OR5J2: variants seen among roughly 807,000 people sequenced by gnomAD.
OR5J2 encodes olfactory receptor 5J2.
OR5J2 carries 4 observed loss-of-function variants against 6.7 expected under a neutral mutation model. The ratio of observed to expected loss-of-function variants is 0.60; its 90% confidence interval spans 0.29 to 1.37. The LOEUF is 1.37. Among genes scored for constraint, OR5J2 ranks in the 40% most tolerant of loss-of-function variants. The pLI is 0.09. For missense variants in OR5J2, 415 were observed against 366.4 expected, an observed-to-expected ratio of 1.13 and a Z score of -1.08; for synonymous variants, 174 against 140.4, an observed-to-expected ratio of 1.24 and a Z score of -1.69.
At position 56,177,516 on chromosome 11, in the gene OR5J2, C is replaced by A. The variant is rs1468141582; in HGVS notation, c.899C>A (p.Ala300Glu). Reference sequence around the variant, plus strand: ...TTGAGAAACAAGGACGTAAAGGAGGCAGTGAAAAGGGCCATAGAAATGAAA... The same window carrying A: ...TTGAGAAACAAGGACGTAAAGGAGGAAGTGAAAAGGGCCATAGAAATGAAA... ...HSLRNKDVKE[A>E]VKRAIEMKHF... is the part of the protein sequence containing the mutation. The change falls in exon 1 of 1, where the codon GCA becomes GAA. Residue 300 changes from alanine (A) to glutamate (E), a missense_variant. Coordinates refer to ENST00000312298, the MANE Select transcript of OR5J2 (RefSeq NM_001005492.1). 1.9e-6 allele frequency: 3 copies of A among 1,606,572 alleles called. No homozygotes were observed. The highest frequency in any genetic ancestry group is 1.3e-5 in the African/African-American group (1 of 74,876).
Position 56,176,669 on chromosome 11 carries a change from A to G in OR5J2, c.52A>G (p.Thr18Ala), listed in dbSNP as rs200096578. The change falls in exon 1 of 1, where the codon ACA becomes GCA. Residue 18 changes from threonine to alanine, a missense_variant. Physicochemically the swap from Thr to Ala is moderately conservative, Grantham distance 58. Transcript: ENST00000312298. ...VVTEFILLGL[T>A]DHAELKAVLF... is the part of the protein sequence containing the mutation. ...CACTGAGTTTATTCTTTTGGGATTG[A>G]CAGATCATGCTGAACTAAAAGCTGT... is the stretch of plus-strand genomic sequence containing the variant. 47 of 1,613,766 alleles carry G rather than the reference A, an allele frequency of 2.9e-5. No individual in the cohort carries two copies. The East Asian group carries it at 1.0e-3, about 35-fold the overall frequency.
In OR5J2 at chr11:56,177,247, C is replaced by T. The variant is rs984356551; in HGVS notation, c.630C>T (p.Thr210=). The change falls in exon 1 of 1, where the codon ACC becomes ACT. Residue 210 remains threonine, a synonymous_variant. Coordinates refer to ENST00000312298, the MANE Select transcript of OR5J2 (RefSeq NM_001005492.1). ...TCTCCGGAGTCATTGCCATGGCCAC[C>T]TTCTTGACTGTGATCATTTCCTACA... ...LTFSGVIAMA[T]FLTVIISYIF... is the part of the protein sequence containing the mutation. The T allele has an allele frequency of 1.9e-6, 3 of 1,614,052 alleles. No individual in the cohort carries two copies. Among genetic ancestry groups the T allele is most frequent in the East Asian group, 2.2e-5 (1 of 44,880 alleles).
chr11:56,176,972 G>A lies in OR5J2; in HGVS notation c.355G>A (p.Ala119Thr). The change falls in exon 1 of 1, where the codon GCC (alanine) becomes ACC (threonine). Residue 119 changes from alanine to threonine, a missense_variant. Transcript: ENST00000312298. ...TTEGFLLSVM[A>T]YDRYVAIVSP... Reference sequence around the variant, plus strand: ...AGAAGGCTTCTTACTGTCAGTGATGGCCTATGACCGCTATGTGGCCATTGT... The same window carrying A: ...AGAAGGCTTCTTACTGTCAGTGATGACCTATGACCGCTATGTGGCCATTGT... 4 of 1,613,984 alleles carry A rather than the reference G, an allele frequency of 2.5e-6. No individual in the cohort carries two copies. The highest frequency in any genetic ancestry group is 3.4e-6 in the Non-Finnish European group (4 of 1,179,874).
Position 56,177,115 on chromosome 11 carries a change from G to T in OR5J2, c.498G>T (p.Leu166=). The T allele has an allele frequency of 6.2e-7, 1 of 1,614,088 alleles. No homozygotes were observed. Among genetic ancestry groups the T allele is most frequent in the East Asian group, 2.2e-5 (1 of 44,872 alleles). Residue 166 remains leucine, a synonymous_variant, in exon 1 of 1, where the codon CTG becomes CTT. Coordinates refer to ENST00000312298, the MANE Select transcript of OR5J2 (RefSeq NM_001005492.1). ...TLIHTISLRR[L]SFCRLNAVSH... ...TCCACACAATCAGCTTGAGGAGACTGTCCTTTTGTAGGCTAAATGCTGTCA... is the reference window on the plus strand; with the variant it reads ...TCCACACAATCAGCTTGAGGAGACTTTCCTTTTGTAGGCTAAATGCTGTCA...
Position 56,177,419 on chromosome 11 carries a change from G to A in OR5J2, c.802G>A (p.Val268Met), listed in dbSNP as rs772974358. Reference protein sequence around the residue: ...SYIQPSSQYFVEQEKVVSMFY... With the variant: ...SYIQPSSQYFMEQEKVVSMFY... Reference sequence around the variant, plus strand: ...CATTCAGCCAAGCTCCCAGTATTTTGTGGAACAAGAGAAAGTGGTTTCTAT... The same window carrying A: ...CATTCAGCCAAGCTCCCAGTATTTTATGGAACAAGAGAAAGTGGTTTCTAT... The change falls in exon 1 of 1, where the codon GTG (valine) becomes ATG (methionine). Residue 268 changes from valine (V) to methionine (M), a missense_variant. Val to Met is a conservative substitution (Grantham distance 21). Coordinates refer to ENST00000312298, the MANE Select transcript of OR5J2 (RefSeq NM_001005492.1). 6 of 1,613,994 alleles carry A rather than the reference G, an allele frequency of 3.7e-6. No individual in the cohort carries two copies. The East Asian group carries it at 1.1e-4, about 30-fold the overall frequency.
chr11:56,177,551 T>C lies in OR5J2; in HGVS notation c.934T>C (p.Cys312Arg), dbSNP rs758411507. ...KRAIEMKHFLC is the reference protein window; with the variant it reads ...KRAIEMKHFLR ...GGCCATAGAAATGAAACATTTCCTC[T>C]GTTAATTTCAAGTCACTATTAATCC... The change falls in exon 1 of 1, where the codon TGT (cysteine) becomes CGT (arginine). Residue 312 changes from cysteine to arginine, a missense_variant. By Grantham distance (180) the Cys-to-Arg change is radical. Coordinates refer to ENST00000312298, the MANE Select transcript of OR5J2 (RefSeq NM_001005492.1). 2 of 1,577,526 alleles carry C rather than the reference T, an allele frequency of 1.3e-6. No homozygotes were observed. The highest frequency in any genetic ancestry group is 1.7e-6 in the Non-Finnish European group (2 of 1,163,150).
In OR5J2 at chr11:56,176,909, A is replaced by C; in HGVS notation, c.292A>C (p.Met98Leu). 2 of 1,614,132 alleles carry C rather than the reference A, an allele frequency of 1.2e-6. No individual in the cohort carries two copies. Among genetic ancestry groups the C allele is most frequent in the Non-Finnish European group, 1.7e-6 (2 of 1,180,014 alleles). The change falls in exon 1 of 1, where the codon ATG becomes CTG. Residue 98 changes from methionine (M) to leucine (L), a missense_variant. Transcript: ENST00000312298. ...VKATISFSAC[M>L]VQHLCFGVFI... ...GGCAACAATTTCTTTCTCTGCTTGC[A>C]TGGTACAGCATTTGTGTTTCGGAGT...
chr11:56,176,693 G>A lies in OR5J2; in HGVS notation c.76G>A (p.Val26Met), dbSNP rs1463945328. Residue 26 changes from valine to methionine, a missense_variant, in exon 1 of 1, where the codon GTG becomes ATG. Transcript: ENST00000312298. ...GLTDHAELKAVLFVVFLVIYA... is the reference protein window; with the variant it reads ...GLTDHAELKAMLFVVFLVIYA... ...GACAGATCATGCTGAACTAAAAGCT[G>A]TGCTTTTTGTGGTGTTCCTGGTGAT... 5 of 1,613,548 alleles carry A rather than the reference G, an allele frequency of 3.1e-6. No individual in the cohort carries two copies. Among genetic ancestry groups the A allele is most frequent in the South Asian group, 1.1e-5 (1 of 91,070 alleles).
At position 56,176,702 on chromosome 11, in the gene OR5J2, G is replaced by T. The variant is rs747915792; in HGVS notation, c.85G>T (p.Val29Leu). 6.2e-7 allele frequency: 1 copy of T among 1,613,756 alleles called. No individual in the cohort carries two copies. Among genetic ancestry groups the T allele is most frequent in the Non-Finnish European group, 8.5e-7 (1 of 1,179,802 alleles). The change falls in exon 1 of 1, where the codon GTG (valine) becomes TTG (leucine). Residue 29 changes from valine to leucine, a missense_variant. Transcript: ENST00000312298. ...DHAELKAVLF[V>L]VFLVIYAITL... is the part of the protein sequence containing the mutation. ...TGCTGAACTAAAAGCTGTGCTTTTT[G>T]TGGTGTTCCTGGTGATTTACGCCAT...
Position 56,177,245 on chromosome 11 carries a change from A to G in OR5J2, c.628A>G (p.Thr210Ala). The stretch of plus-strand genomic sequence containing the variant: ...CTTCTCCGGAGTCATTGCCATGGCC[A>G]CCTTCTTGACTGTGATCATTTCCTA... ...LTFSGVIAMA[T>A]FLTVIISYIF... Residue 210 changes from threonine to alanine, a missense_variant, in exon 1 of 1, where the codon ACC (threonine) becomes GCC (alanine). Thr to Ala is a moderately conservative substitution (Grantham distance 58). Transcript: ENST00000312298. The G allele has an allele frequency of 6.2e-7, 1 of 1,614,042 alleles. No individual in the cohort carries two copies.
Position 56,177,337 on chromosome 11 carries a change from C to T in OR5J2, c.720C>T (p.Thr240=), listed in dbSNP as rs776338136. The change falls in exon 1 of 1, where the codon ACC becomes ACT. Residue 240 remains threonine (T), a synonymous_variant. Coordinates refer to ENST00000312298, the MANE Select transcript of OR5J2 (RefSeq NM_001005492.1). ...CAGGCAGACAGCAAGCCTTCTCCACCTGTGCCTCTCACCTGACTGCTGTGA... is the reference window on the plus strand; with the variant it reads ...CAGGCAGACAGCAAGCCTTCTCCACTTGTGCCTCTCACCTGACTGCTGTGA... ...SASGRQQAFS[T]CASHLTAVTI... The T allele has an allele frequency of 6.2e-7, 1 of 1,613,886 alleles. No individual in the cohort carries two copies. Among genetic ancestry groups the T allele is most frequent in the East Asian group, 2.2e-5 (1 of 44,868 alleles).
At position 56,176,909 on chromosome 11, in the gene OR5J2, A is replaced by G. The variant is rs868322923; in HGVS notation, c.292A>G (p.Met98Val). ...GGCAACAATTTCTTTCTCTGCTTGC[A>G]TGGTACAGCATTTGTGTTTCGGAGT... ...VKATISFSACMVQHLCFGVFI... is the reference protein window; with the variant it reads ...VKATISFSACVVQHLCFGVFI... The change falls in exon 1 of 1, where the codon ATG becomes GTG. Residue 98 changes from methionine to valine, a missense_variant. Coordinates refer to ENST00000312298, the MANE Select transcript of OR5J2 (RefSeq NM_001005492.1). 10 of 1,614,132 alleles carry G rather than the reference A, an allele frequency of 6.2e-6. 1 individual carries two copies. The highest frequency in any genetic ancestry group is 3.3e-4 in the Middle Eastern group (2 of 6,062).
At position 56,176,696 on chromosome 11, in the gene OR5J2, C is replaced by G. The variant is rs755292594; in HGVS notation, c.79C>G (p.Leu27Val). The change falls in exon 1 of 1, where the codon CTT becomes GTT. Residue 27 changes from leucine (L) to valine (V), a missense_variant. Coordinates refer to ENST00000312298, the MANE Select transcript of OR5J2 (RefSeq NM_001005492.1). ...LTDHAELKAV[L>V]FVVFLVIYAI... is the part of the protein sequence containing the mutation. ...AGATCATGCTGAACTAAAAGCTGTG[C>G]TTTTTGTGGTGTTCCTGGTGATTTA... 3 of 1,613,860 alleles carry G rather than the reference C, an allele frequency of 1.9e-6. No individual in the cohort carries two copies. In the South Asian group the frequency reaches 3.3e-5, roughly 18 times the overall value.
rs1852541611 is a variant in OR5J2 at position 56,176,829 on chromosome 11, CCTG to C, written c.215_217del (p.Cys72del). 6.2e-7 allele frequency: 1 copy of C among 1,613,766 alleles called. No homozygotes were observed. The highest frequency in any genetic ancestry group is 8.5e-7 in the Non-Finnish European group (1 of 1,179,826). ...CTCAGCTGTCTTTCATTTGTGGATGCCTGCTATTCATCTGCAATTGCACCCAAA... is the reference window on the plus strand; with the variant it reads ...CTCAGCTGTCTTTCATTTGTGGATGCCTATTCATCTGCAATTGCACCCAAA... On this transcript the variant is annotated inframe_deletion, in exon 1 of 1. Coordinates refer to ENST00000312298, the MANE Select transcript of OR5J2 (RefSeq NM_001005492.1).
rs759660929 is a variant in OR5J2, at chr11:56,177,540, AAC to A, written c.925_926del (p.His309PhefsTer?). The A allele has an allele frequency of 2.5e-6, 4 of 1,592,502 alleles. No homozygotes were observed. In the Admixed American group the frequency reaches 6.8e-5, roughly 27 times the overall value. On this transcript the variant is annotated frameshift_variant, in exon 1 of 1. Transcript: ENST00000312298. LOFTEE classifies it high-confidence loss of function. Reference sequence around the variant, plus strand: ...GCAGTGAAAAGGGCCATAGAAATGAAACATTTCCTCTGTTAATTTCAAGTCAC... The same window carrying A: ...GCAGTGAAAAGGGCCATAGAAATGAAATTTCCTCTGTTAATTTCAAGTCAC...
rs1328409621 is a variant in OR5J2, at chr11:56,176,978, G to C, written c.361G>C (p.Asp121His). 6.2e-7 allele frequency: 1 copy of C among 1,614,004 alleles called. No homozygotes were observed. Reference sequence around the variant, plus strand: ...CTTCTTACTGTCAGTGATGGCCTATGACCGCTATGTGGCCATTGTGAGTCC... The same window carrying C: ...CTTCTTACTGTCAGTGATGGCCTATCACCGCTATGTGGCCATTGTGAGTCC... Reference protein sequence around the residue: ...EGFLLSVMAYDRYVAIVSPLL... With the variant: ...EGFLLSVMAYHRYVAIVSPLL... Residue 121 changes from aspartate to histidine, a missense_variant, in exon 1 of 1, where the codon GAC becomes CAC. Transcript: ENST00000312298.
At position 56,176,980 on chromosome 11, in the gene OR5J2, C is replaced by T. The variant is rs542294807; in HGVS notation, c.363C>T (p.Asp121=). The T allele has an allele frequency of 1.5e-5, 25 of 1,613,946 alleles. No homozygotes were observed. In the African/African-American group the frequency reaches 2.7e-4, roughly 17 times the overall value. The change falls in exon 1 of 1, where the codon GAC becomes GAT. Residue 121 remains aspartate (D), a synonymous_variant. Coordinates refer to ENST00000312298, the MANE Select transcript of OR5J2 (RefSeq NM_001005492.1). Reference sequence around the variant, plus strand: ...TCTTACTGTCAGTGATGGCCTATGACCGCTATGTGGCCATTGTGAGTCCCT... The same window carrying T: ...TCTTACTGTCAGTGATGGCCTATGATCGCTATGTGGCCATTGTGAGTCCCT... The part of the protein sequence containing the change: ...EGFLLSVMAY[D]RYVAIVSPLL...
rs780229896 is a variant in OR5J2 at position 56,176,684 on chromosome 11, C to T, written c.67C>T (p.Leu23=). 1 of 1,613,892 alleles carries T rather than the reference C, an allele frequency of 6.2e-7. No homozygotes were observed. The highest frequency in any genetic ancestry group is 8.5e-7 in the Non-Finnish European group (1 of 1,179,848). The change falls in exon 1 of 1, where the codon CTA becomes TTA. Residue 23 remains leucine (L), a synonymous_variant. Coordinates refer to ENST00000312298, the MANE Select transcript of OR5J2 (RefSeq NM_001005492.1). ...ILLGLTDHAE[L]KAVLFVVFLV... ...TTTGGGATTGACAGATCATGCTGAACTAAAAGCTGTGCTTTTTGTGGTGTT... is the reference window on the plus strand; with the variant it reads ...TTTGGGATTGACAGATCATGCTGAATTAAAAGCTGTGCTTTTTGTGGTGTT...
rs1852551580 is a variant in OR5J2, at chr11:56,177,278, A to G, written c.661A>G (p.Ile221Val). 1 of 1,613,910 alleles carries G rather than the reference A, an allele frequency of 6.2e-7. No individual in the cohort carries two copies. ...FLTVIISYIF[I>V]AFASLRIHSA... ...GACTGTGATCATTTCCTACATCTTC[A>G]TTGCTTTTGCTAGCCTAAGGATCCA... Residue 221 changes from isoleucine to valine, a missense_variant, in exon 1 of 1, where the codon ATT becomes GTT. Transcript: ENST00000312298.
Sources: gnomAD v4.1 joint callset for allele counts on GRCh38, gnomAD v4.1.1 for gene constraint, MANE v1.5 for transcripts, NCBI Gene and HGNC (gene_info 2026-07-23, HGNC 2026-07-21) for gene names.